GRID1: variants seen among roughly 807,000 people sequenced by gnomAD.
GRID1 encodes the protein glutamate ionotropic receptor delta type subunit 1, also known as glutamate receptor ionotropic, delta-1.
In GRID1, 28 loss-of-function variants were observed where a neutral mutation model predicts 98.0. The observed-to-expected ratio is 0.29, with a 90% CI of 0.21 to 0.39. GRID1 has a LOEUF of 0.39. GRID1 is among the 10% of genes least tolerant of loss of function. The probability of loss-of-function intolerance (pLI) is 1.00; values close to 1 mark genes in which losing one functional copy is unlikely to be tolerated. For synonymous variants in GRID1, 553 were observed against 538.5 expected (o/e 1.03, Z -0.37); for missense variants, 1,111 against 1,340.5 (o/e 0.83, Z 2.67).
intron 4 of GRID1, among the ~76,000 whole-genome samples, chr10:86,031,609 T>C (rs369552339): frequency 1.8e-4 from 28 of 152,138 alleles, no homozygotes; most frequent in African/African-American, 6.8e-4. Flanking sequence ...GACCACTGTT[T>C]AGGTTTTCCA....
At chr10:86,101,633 CTTTT>C (rs10596537) in intron 4 of GRID1, among the ~76,000 whole-genome samples, 6 of 136,632 alleles carry the variant, frequency 4.4e-5, no homozygotes, top group Non-Finnish European at 7.9e-5. Flanking sequence ...TTCATTATTC[CTTTT>C]TTTTTTTTTT....
At chr10:86,186,462 T>G (rs1845726629) in intron 3 of GRID1, among the ~76,000 whole-genome samples, 1 of 152,256 alleles carries the variant, frequency 6.6e-6, no homozygotes, top group Non-Finnish European at 1.5e-5. Context: ...ATATTGGATT[T>G]GATTTGCTCT....
intron 3 of GRID1, among the ~76,000 whole-genome samples, chr10:86,146,353 C>G (rs11201906): frequency 0.043 from 6,524 of 152,240 alleles, 148 homozygotes; most frequent in Non-Finnish European, 0.054. Context: ...CCCAGATGTA[C>G]TTTACCCATA....
intron 4 of GRID1, among the ~76,000 whole-genome samples, chr10:85,974,087 G>A (rs1319949476): frequency 6.6e-6 from 1 of 152,132 alleles, no homozygotes; most frequent in South Asian, 2.1e-4. Context: ...CAGAGTAGAT[G>A]GGTAGGTGGA....
At chr10:86,172,396 G>T (rs1446937548) in intron 3 of GRID1, among the ~76,000 whole-genome samples, 1 of 152,096 alleles carries the variant, frequency 6.6e-6, no homozygotes, top group Admixed American at 6.5e-5. Flanking sequence ...ACATATTCAT[G>T]CATACACCTA....
chr10:85,925,242 TAA>T (rs1203701222), intron 4 of GRID1, among the ~76,000 whole-genome samples: 1 of 152,210 alleles, frequency 6.6e-6, no homozygotes, highest in African/African-American at 2.4e-5. Flanking sequence ...GCATTCAGGC[TAA>T]GTCCTGATGG....
At chr10:86,080,132 G>A (rs1223712103) in intron 4 of GRID1, among the ~76,000 whole-genome samples, 2 of 151,942 alleles carry the variant, frequency 1.3e-5, no homozygotes, top group African/African-American at 4.8e-5. Context: ...TCAGGAGTTC[G>A]AGACCAGCCT....
intron 8 of GRID1, among the ~76,000 whole-genome samples, chr10:85,789,943 C>A (rs1176432277): frequency 6.6e-6 from 1 of 152,222 alleles, no homozygotes; most frequent in Non-Finnish European, 1.5e-5. Flanking sequence ...GTGGCAGCAC[C>A]CGCCCTCATG....
intron 12 of GRID1, among the ~76,000 whole-genome samples, chr10:85,676,190 C>T (rs1180613080): frequency 6.6e-6 from 1 of 152,084 alleles, no homozygotes; most frequent in African/African-American, 2.4e-5. Context: ...GAAGGTTGAG[C>T]CTGTTCCTTC....
At chr10:86,013,240 C>A (rs568902529) in intron 4 of GRID1, among the ~76,000 whole-genome samples, 129 of 152,266 alleles carry the variant, frequency 8.5e-4, no homozygotes, top group African/African-American at 3.0e-3. Context: ...GCCAAAAGGG[C>A]AAAATGTAAA....
At chr10:85,711,811 C>T (rs1841584794) in intron 12 of GRID1, among the ~76,000 whole-genome samples, 1 of 151,416 alleles carries the variant, frequency 6.6e-6, no homozygotes. Context: ...AAATTAACTC[C>T]TAAAAAAGAG....
chr10:85,647,433 G>A (rs981658523), intron 12 of GRID1, 36 bp from the exon 13 acceptor site: 1 of 1,505,820 alleles, frequency 6.6e-7, no homozygotes. Flanking sequence ...ATGAGTACAT[G>A]CTGTGCATTG....
chr10:86,320,432 C>T (rs566431372), intron 2 of GRID1, among the ~76,000 whole-genome samples: 169 of 152,194 alleles, frequency 1.1e-3, no homozygotes, highest in African/African-American at 3.7e-3. Context: ...GAAGTAAGCA[C>T]GTCACAAAAG....
At chr10:86,330,110 C>T (rs535416795) in intron 2 of GRID1, among the ~76,000 whole-genome samples, 2 of 152,100 alleles carry the variant, frequency 1.3e-5, no homozygotes, top group Admixed American at 6.5e-5. Flanking sequence ...TGGACGAGAC[C>T]GTGACTCCCC....
intron 4 of GRID1, among the ~76,000 whole-genome samples, chr10:85,986,228 A>C (rs571474568): frequency 1.3e-5 from 2 of 152,342 alleles, no homozygotes; most frequent in Middle Eastern, 3.4e-3. Flanking sequence ...GAAGCAGCCC[A>C]AATTTAACCA....
intron 8 of GRID1, 41 bp from the exon 9 acceptor site, chr10:85,729,655 A>T (rs778123375): frequency 8.1e-7 from 1 of 1,238,054 alleles, no homozygotes; most frequent in African/African-American, 1.5e-5. Flanking sequence ...TGGAACTGGC[A>T]CCCGTGCACA....
chr10:85,740,611 T>C (rs1590212559), intron 8 of GRID1, among the ~76,000 whole-genome samples: 3 of 152,276 alleles, frequency 2.0e-5, no homozygotes, highest in Middle Eastern at 3.4e-3. Context: ...TCTAGAGATT[T>C]TTCCTTGTAC....
At chr10:86,178,775 C>T (rs929987468) in intron 3 of GRID1, among the ~76,000 whole-genome samples, 3 of 152,114 alleles carry the variant, frequency 2.0e-5, no homozygotes, top group Admixed American at 1.3e-4. Context: ...GGTTTCTCCC[C>T]GGCCTCCCTG....
intron 2 of GRID1, among the ~76,000 whole-genome samples, chr10:86,236,247 A>G (rs759290073): frequency 2.6e-5 from 4 of 152,302 alleles, no homozygotes; most frequent in Admixed American, 6.5e-5. Context: ...GGCTTGTCTT[A>G]TTGAATTGGA....
Sources: gnomAD v4.1 joint callset for allele counts (sites outside exome capture counted in the v4.1 genomes callset) on GRCh38, gnomAD v4.1.1 for gene constraint, MANE v1.5 for transcripts, NCBI Gene and HGNC (gene_info 2026-07-23, HGNC 2026-07-21) for gene names.